The following DOCK3 variants were observed in gnomAD, a reference collection of about 807,000 sequenced individuals.
DOCK3 encodes dedicator of cytokinesis protein 3.
Under a neutral mutation model 265.6 loss-of-function variants are expected in DOCK3, and 60 were observed. The ratio of observed to expected loss-of-function variants is 0.23; its 90% CI spans 0.18 to 0.28. The LOEUF is 0.28. Among genes scored for constraint, DOCK3 ranks in the 10% least tolerant of loss-of-function variants. The pLI is 1.00. For missense variants in DOCK3, 1,981 were observed against 2,594.3 expected (o/e 0.76, Z 5.14); for synonymous variants, 881 against 938.0 (o/e 0.94, Z 1.11).
intron 1 of DOCK3, among the ~76,000 whole-genome samples, chr3:50,711,189 A>C (rs1204282289): frequency 5.3e-5 from 8 of 151,484 alleles, no homozygotes; most frequent in African/African-American, 1.5e-4. Flanking sequence ...TACATAGTAC[A>C]TTAATTGATT....
chr3:51,357,633 G>A (rs372517638), intron 44 of DOCK3, 125 bp from the exon 45 acceptor site: 3 of 839,634 alleles, frequency 3.6e-6, no homozygotes, highest in African/African-American at 3.4e-5. Flanking sequence ...CCAGACTGGT[G>A]TATGTACCTA....
intron 44 of DOCK3, 60 bp from the exon 45 acceptor site, chr3:51,357,698 G>T: frequency 6.4e-7 from 1 of 1,572,364 alleles, no homozygotes; most frequent in Non-Finnish European, 8.7e-7. Flanking sequence ...AAGTCTCCTG[G>T]GCCCCACTTA....
At chr3:51,075,977 A>G (rs1190780278) in intron 7 of DOCK3, among the ~76,000 whole-genome samples, 2 of 152,168 alleles carry the variant, frequency 1.3e-5, no homozygotes, top group African/African-American at 4.8e-5. Flanking sequence ...AATAGAAGAA[A>G]CCTTAGGTGG....
chr3:51,127,041 G>GA (rs1274915770), intron 9 of DOCK3, among the ~76,000 whole-genome samples: 3 of 152,158 alleles, frequency 2.0e-5, no homozygotes, highest in Non-Finnish European at 4.4e-5. Flanking sequence ...GGAGCAAGGA[G>GA]AGCCAGCCCG....
At chr3:50,808,865 GAAAATGATGGCCTATCCAGTAAA>G (rs2043577154) in intron 2 of DOCK3, among the ~76,000 whole-genome samples, 1 of 152,200 alleles carries the variant, frequency 6.6e-6, no homozygotes, top group African/African-American at 2.4e-5. Flanking sequence ...AATTGAAATT[GAAAATGATGGCCTATCCAGTAAA>G]TGATACTGGA....
chr3:51,067,636 CT>C (rs1353273512), intron 6 of DOCK3, among the ~76,000 whole-genome samples: 1 of 151,748 alleles, frequency 6.6e-6, no homozygotes, highest in Non-Finnish European at 1.5e-5. Context: ...TCCCCCACCC[CT>C]CTCTTCCTTT....
chr3:50,787,339 C>T (rs1286281616), intron 2 of DOCK3: 2 of 407,968 alleles, frequency 4.9e-6, no homozygotes, highest in East Asian at 1.1e-4. Flanking sequence ...AGTTCGAGAC[C>T]AGCCTGATCA....
chr3:51,249,620 C>T (rs1269473669), intron 22 of DOCK3, among the ~76,000 whole-genome samples: 5 of 105,924 alleles, frequency 4.7e-5, no homozygotes, highest in South Asian at 6.8e-4. Context: ...GCCCCCCGCC[C>T]GGCCAGCCGT....
intron 5 of DOCK3, among the ~76,000 whole-genome samples, chr3:50,941,529 C>T (rs1027206114): frequency 1.3e-5 from 2 of 152,038 alleles, no homozygotes; most frequent in African/African-American, 4.8e-5. Context: ...TAAACATATA[C>T]TTAATATATG....
chr3:50,966,892 AT>A (rs201706464), intron 5 of DOCK3, among the ~76,000 whole-genome samples: 5 of 150,918 alleles, frequency 3.3e-5, no homozygotes, highest in East Asian at 3.9e-4. Context: ...TTATAATGCC[AT>A]TTTTTTTTCT....
intron 12 of DOCK3, among the ~76,000 whole-genome samples, chr3:51,170,231 A>T (rs761052565): frequency 5.9e-5 from 9 of 152,148 alleles, no homozygotes; most frequent in Non-Finnish European, 8.8e-5. Context: ...TTTTTATCTG[A>T]CTTTACTATC....
chr3:50,980,796 A>G (rs575888625), intron 5 of DOCK3, among the ~76,000 whole-genome samples: 3 of 152,160 alleles, frequency 2.0e-5, no homozygotes, highest in Admixed American at 2.0e-4. Flanking sequence ...GGTATCAGCT[A>G]TAATATCTCC....
At position 50,723,511 on chromosome 3, in the gene DOCK3, G is replaced by GGAACA. The variant is rs200335791; in HGVS notation, c.37+48219_37+48223dup. On this transcript the variant is annotated intron_variant, in intron 1 of 52. Transcript: ENST00000266037. Reference sequence around the variant, plus strand: ...CATCGCGAAACCTCGTATCTACTTTGGAACAGAACAGAGGCCTCAGAAATA... The same window carrying GGAACA: ...CATCGCGAAACCTCGTATCTACTTTGGAACAGAACAGAACAGAGGCCTCAGAAATA... Among the ~76,000 whole-genome samples, 724 of 151,324 alleles carry GGAACA rather than the reference G, an allele frequency of 4.8e-3. 23 individuals are homozygous for GGAACA. The highest frequency in any genetic ancestry group is 0.035 in the Admixed American group (530 of 15,196).
In DOCK3 at chr3:50,946,094, TAA is replaced by T. The variant is rs35670695; in HGVS notation, c.315+12039_315+12040del. On this transcript the variant is annotated intron_variant, in intron 5 of 52. Transcript: ENST00000266037. ...GGCAATAGAGTGAAACCCCATCTCT[TAA>T]AAAAAAAAAAAAAAAAAAAAAGGCT... Among the ~76,000 whole-genome samples, 369 of 91,710 alleles carry T rather than the reference TAA, an allele frequency of 4.0e-3. 3 individuals are homozygous for T. Among genetic ancestry groups the T allele is most frequent in the East Asian group, 0.034 (104 of 3,056 alleles). 60.2% of individuals were successfully genotyped at this position (91,710 alleles called of 152,430 possible). A position where few individuals can be genotyped will look rare whatever the true frequency, so the allele number is the denominator to read the frequency against.
intron 48 of DOCK3, 60 bp downstream of exon 48, chr3:51,362,057 G>A (rs1576938745): frequency 2.6e-6 from 4 of 1,537,806 alleles, no homozygotes; most frequent in East Asian, 2.4e-5. Context: ...TCACCTTGCT[G>A]TTGCAATGTC....
At chr3:51,368,093 T>C (rs1038419143) in intron 49 of DOCK3, among the ~76,000 whole-genome samples, 1 of 152,160 alleles carries the variant, frequency 6.6e-6, no homozygotes, top group Non-Finnish European at 1.5e-5. Flanking sequence ...TGTTTTCCAA[T>C]TTGGTTCCAT....
intron 7 of DOCK3, among the ~76,000 whole-genome samples, chr3:51,085,898 A>G (rs2082401232): frequency 6.6e-6 from 1 of 152,250 alleles, no homozygotes; most frequent in African/African-American, 2.4e-5. Flanking sequence ...CTGAAAAGAT[A>G]AAATCGATAA....
In DOCK3 at chr3:51,239,399, G is replaced by A. The variant is rs542041441; in HGVS notation, c.2102+1809G>A. Reference sequence around the variant, plus strand: ...TAATTTTTGTATTTTGAGTAGAGACGGGGTTTCACCATGTTGGCCAGGCTG... The same window carrying A: ...TAATTTTTGTATTTTGAGTAGAGACAGGGTTTCACCATGTTGGCCAGGCTG... On this transcript the variant is annotated intron_variant, in intron 21 of 52. Coordinates refer to ENST00000266037, the MANE Select transcript of DOCK3 (RefSeq NM_004947.5). Among the ~76,000 whole-genome samples, 21 of 151,522 alleles carry A rather than the reference G, an allele frequency of 1.4e-4. No homozygotes were observed. In the South Asian group the frequency reaches 2.1e-3, roughly 15 times the overall value.
rs2086418992 is a variant in DOCK3 at position 51,357,155 on chromosome 3, A to G, written c.4683+14A>G. 1 of 1,609,766 alleles carries G rather than the reference A, an allele frequency of 6.2e-7. No individual in the cohort carries two copies. The highest frequency in any genetic ancestry group is 8.5e-7 in the Non-Finnish European group (1 of 1,178,680). Reference sequence around the variant, plus strand: ...CGCTATCAGGAGGTAAGCTGTGGCCACAGGCCAAACCCATGCAGCCAGCCT... The same window carrying G: ...CGCTATCAGGAGGTAAGCTGTGGCCGCAGGCCAAACCCATGCAGCCAGCCT... On this transcript the variant is annotated intron_variant, in intron 44 of 52. Coordinates refer to ENST00000266037, the MANE Select transcript of DOCK3 (RefSeq NM_004947.5).
Sources: gnomAD v4.1 joint callset for allele counts (sites outside exome capture counted in the v4.1 genomes callset) on GRCh38, gnomAD v4.1.1 for gene constraint, MANE v1.5 for transcripts, NCBI Gene and HGNC (gene_info 2026-07-23, HGNC 2026-07-21) for gene names.